The following FBXW8 variants were observed in gnomAD, a reference collection of about 807,000 sequenced individuals.
The protein encoded by FBXW8 is F-box/WD repeat-containing protein 8.
In FBXW8, 57 loss-of-function variants were observed where a neutral mutation model predicts 65.3. The ratio of observed to expected loss-of-function variants is 0.87; its 90% CI spans 0.71 to 1.09. The LOEUF is 1.09. Ranked by LOEUF, FBXW8 falls within the 50% of genes least tolerant of loss-of-function variation. The pLI is 0.00. For synonymous variants in FBXW8, 308 were observed against 330.2 expected (o/e 0.93, Z 0.73); for missense variants, 777 against 814.8 (o/e 0.95, Z 0.57).
At chr12:116,937,547 C>T (rs1014422622) in intron 2 of FBXW8, among the ~76,000 whole-genome samples, 5 of 152,228 alleles carry the variant, frequency 3.3e-5, no homozygotes, top group South Asian at 2.1e-4. Flanking sequence ...AGGTGTTAAG[C>T]GCTGTTGTTC....
At position 116,960,768 on chromosome 12, in the gene FBXW8, C is replaced by T. The variant is rs557340305; in HGVS notation, c.678-3929C>T. Among the ~76,000 whole-genome samples the T allele has an allele frequency of 2.0e-5, 3 of 152,320 alleles. No individual in the cohort carries two copies. In the South Asian group the frequency reaches 6.2e-4, roughly 32 times the overall value. On this transcript the variant is annotated intron_variant, in intron 4 of 10. Transcript: ENST00000652555. ...TAAGGCACTGTGATGGAGGCTATGG[C>T]ACTGCGGTAGGGCCTTCTTGAAGAC...
intron 6 of FBXW8, 67 bp from the exon 7 acceptor site, chr12:116,988,596 G>A (rs1006213428): frequency 1.4e-6 from 2 of 1,388,022 alleles, no homozygotes; most frequent in East Asian, 2.3e-5. Flanking sequence ...ATGTGTAGGT[G>A]GAATTGCATA....
rs1478237547 is a variant in FBXW8, at chr12:116,911,265, G to A, written c.228G>A (p.Gly76=). 1.6e-6 allele frequency: 2 copies of A among 1,255,192 alleles called. No individual in the cohort carries two copies. The highest frequency in any genetic ancestry group is 2.0e-6 in the Non-Finnish European group (2 of 1,003,064). 77.8% of individuals were successfully genotyped at this position (1,255,192 alleles called of 1,614,324 possible). The change falls in exon 1 of 11, where the codon GGG becomes GGA. Residue 76 remains glycine, a synonymous_variant. Coordinates refer to ENST00000652555, the MANE Select transcript of FBXW8 (RefSeq NM_153348.3). ...PPAARATRAE[G]QDVASRSRSP... ...CGGCGCGGGCGACTCGGGCCGAGGG[G>A]CAGGACGTAGCGAGCCGCTCACGTT... is the stretch of plus-strand genomic sequence containing the variant.
At chr12:117,010,509 C>A in intron 8 of FBXW8, 59 bp downstream of exon 8, 1 of 1,610,848 alleles carries the variant, frequency 6.2e-7, no homozygotes, top group Non-Finnish European at 8.5e-7. Context: ...AGGCCCGGCC[C>A]CCACTGCGCT....
At chr12:116,950,182 G>GT (rs58249193) in intron 4 of FBXW8, 9,445 of 146,310 alleles carry the variant, frequency 0.065, 945 homozygotes, top group African/African-American at 0.22. Context: ...TCCTGACATT[G>GT]TTTTTTTTTT....
At chr12:117,000,391 C>T (rs1953486541) in intron 7 of FBXW8, among the ~76,000 whole-genome samples, 2 of 152,254 alleles carry the variant, frequency 1.3e-5, no homozygotes, top group African/African-American at 4.8e-5. Flanking sequence ...ACTGTCATGG[C>T]TGAAGTTCTT....
chr12:116,919,992 A>G (rs1446649580), intron 1 of FBXW8, among the ~76,000 whole-genome samples: 1 of 152,238 alleles, frequency 6.6e-6, no homozygotes, highest in Admixed American at 6.5e-5. Flanking sequence ...TCTGGCTAAT[A>G]TGCAGTGAGA....
At chr12:116,993,529 A>G (rs1027166059) in intron 7 of FBXW8, among the ~76,000 whole-genome samples, 11 of 152,154 alleles carry the variant, frequency 7.2e-5, no homozygotes, top group Admixed American at 3.3e-4. Context: ...GGCAATTTGT[A>G]TATATTCTTT....
chr12:116,970,557 C>T (rs916899902), intron 5 of FBXW8, among the ~76,000 whole-genome samples: 10 of 152,136 alleles, frequency 6.6e-5, no homozygotes, highest in South Asian at 6.2e-4. Flanking sequence ...TTTAGTTAGA[C>T]GGCTGTAGAG....
intron 2 of FBXW8, among the ~76,000 whole-genome samples, chr12:116,940,429 C>T (rs1476064449): frequency 2.0e-5 from 3 of 149,376 alleles, no homozygotes; most frequent in East Asian, 2.0e-4. Context: ...GGATTAAAAT[C>T]GATCAAAAGT....
intron 4 of FBXW8, among the ~76,000 whole-genome samples, chr12:116,958,774 T>A (rs977352910): frequency 5.9e-5 from 9 of 152,156 alleles, no homozygotes; most frequent in Admixed American, 2.6e-4. Context: ...AGGTGGAGTT[T>A]TATATGGGGC....
At chr12:116,922,107 G>A (rs1300263992) in intron 1 of FBXW8, among the ~76,000 whole-genome samples, 1 of 152,062 alleles carries the variant, frequency 6.6e-6, no homozygotes, top group Non-Finnish European at 1.5e-5. Context: ...TGGGATTACA[G>A]ATATGAGCCA....
At chr12:116,933,915 C>T (rs534053757) in intron 2 of FBXW8, among the ~76,000 whole-genome samples, 2 of 152,112 alleles carry the variant, frequency 1.3e-5, no homozygotes, top group South Asian at 2.1e-4. Context: ...TTTAGAGGGG[C>T]TTGCTTTTTT....
Position 116,988,647 on chromosome 12 carries a change from T to C in FBXW8, c.1033-16T>C. On this transcript the variant is annotated splice_polypyrimidine_tract_variant and intron_variant, in intron 6 of 10. Coordinates refer to ENST00000652555, the MANE Select transcript of FBXW8 (RefSeq NM_153348.3). ...GGATGAATTTATGGGACTAAACAAC[T>C]CTTACCTTTTAACAGGTTCAGTACC... 1.2e-6 allele frequency: 2 copies of C among 1,613,140 alleles called. No individual in the cohort carries two copies. The highest frequency in any genetic ancestry group is 1.7e-6 in the Non-Finnish European group (2 of 1,179,176).
chr12:116,995,290 C>T lies in FBXW8; in HGVS notation c.1239+6421C>T, dbSNP rs537394901. Among the ~76,000 whole-genome samples, 4 of 152,308 alleles carry T rather than the reference C, an allele frequency of 2.6e-5. No individual in the cohort carries two copies. The East Asian group carries it at 7.7e-4, about 29-fold the overall frequency. On this transcript the variant is annotated intron_variant, in intron 7 of 10. Transcript: ENST00000652555. ...CCACAATTCTTTTAATCTGACCTGC[C>T]TCTTCTCTTCTGTAAAATGAGGAGG... is the stretch of plus-strand genomic sequence containing the variant.
chr12:116,922,797 A>AGT (rs916504724), intron 1 of FBXW8, among the ~76,000 whole-genome samples: 35 of 151,276 alleles, frequency 2.3e-4, no homozygotes, highest in African/African-American at 8.0e-4. Context: ...GACCCCTTTG[A>AGT]GTGTGTGTGT....
chr12:116,960,530 GA>G, intron 4 of FBXW8, among the ~76,000 whole-genome samples: 1 of 152,264 alleles, frequency 6.6e-6, no homozygotes, highest in Middle Eastern at 3.4e-3. Context: ...CATGTTTATT[GA>G]AATAATTTAG....
rs141650472 is a variant in FBXW8, at chr12:116,968,589, T to C, written c.835+3735T>C. On this transcript the variant is annotated intron_variant, in intron 5 of 10. Transcript: ENST00000652555. Reference sequence around the variant, plus strand: ...GTTGTAGTGAAAAACCTTGTAAAGATGACATTTCACACAAGTGCAAGGAGG... The same window carrying C: ...GTTGTAGTGAAAAACCTTGTAAAGACGACATTTCACACAAGTGCAAGGAGG... Among the ~76,000 whole-genome samples, 1,481 of 152,320 alleles carry C rather than the reference T, an allele frequency of 9.7e-3. 7 individuals are homozygous for C. The highest frequency in any genetic ancestry group is 0.015 in the Non-Finnish European group (1,035 of 68,038).
At chr12:117,000,107 G>T (rs1953478012) in intron 7 of FBXW8, among the ~76,000 whole-genome samples, 1 of 149,684 alleles carries the variant, frequency 6.7e-6, no homozygotes. Flanking sequence ...TCAGCCTCCC[G>T]AGTAGCTGGG....
Sources: gnomAD v4.1 joint callset for allele counts (sites outside exome capture counted in the v4.1 genomes callset) on GRCh38, gnomAD v4.1.1 for gene constraint, MANE v1.5 for transcripts, NCBI Gene and HGNC (gene_info 2026-07-23, HGNC 2026-07-21) for gene names.